The following MLIP variants were observed in gnomAD, a reference collection of about 807,000 sequenced individuals.
MLIP encodes the protein muscular LMNA-interacting protein.
A neutral mutation model predicts 84.8 loss-of-function variants in MLIP; 79 were observed. The ratio of observed to expected loss-of-function variants is 0.93; its 90% CI spans 0.78 to 1.12. The LOEUF is 1.12. MLIP is among the 50% of genes most tolerant of loss of function. The pLI is 0.00. For synonymous variants in MLIP, 504 were observed against 463.0 expected (o/e 1.09, Z -1.14); for missense variants, 1,257 against 1,160.6 (o/e 1.08, Z -1.21).
At chr6:54,138,349 C>A in intron 4 of MLIP, 63 bp downstream of exon 4, 1 of 1,432,940 alleles carries the variant, frequency 7.0e-7, no homozygotes. Flanking sequence ...TTTTTTTTTT[C>A]CCCAAGGCAG....
At chr6:54,238,462 A>G (rs59943560) in intron 12 of MLIP, among the ~76,000 whole-genome samples, 4,184 of 152,250 alleles carry the variant, frequency 0.027, 179 homozygotes, top group African/African-American at 0.093. Context: ...TATTCCAACT[A>G]CATTTTCTCC....
At chr6:54,256,442 C>A (rs1033942753) in intron 12 of MLIP, among the ~76,000 whole-genome samples, 2 of 152,074 alleles carry the variant, frequency 1.3e-5, no homozygotes, top group African/African-American at 4.8e-5. Context: ...TTTCAATAGC[C>A]CTGGTTTGCC....
At chr6:54,037,287 G>T (rs1441631404) in intron 1 of MLIP, among the ~76,000 whole-genome samples, 1 of 151,932 alleles carries the variant, frequency 6.6e-6, no homozygotes, top group Non-Finnish European at 1.5e-5. Context: ...TCACATATTT[G>T]GTATCTGAAC....
intron 8 of MLIP, among the ~76,000 whole-genome samples, chr6:54,166,774 G>A (rs1316831427): frequency 6.6e-6 from 1 of 151,776 alleles, no homozygotes; most frequent in Non-Finnish European, 1.5e-5. Context: ...TCTAGTCCAG[G>A]ATTCTTTCTC....
intron 13 of MLIP, among the ~76,000 whole-genome samples, chr6:54,263,450 A>C (rs537153500): frequency 6.6e-6 from 1 of 152,252 alleles, no homozygotes; most frequent in Non-Finnish European, 1.5e-5. Flanking sequence ...AAAAAAAAGA[A>C]CATGCAGCAT....
intron 1 of MLIP, among the ~76,000 whole-genome samples, chr6:54,103,278 C>A (rs1313011989): frequency 2.0e-5 from 3 of 152,036 alleles, no homozygotes; most frequent in Non-Finnish European, 4.4e-5. Flanking sequence ...ATATGTCATG[C>A]CATTTTAACC....
intron 12 of MLIP, among the ~76,000 whole-genome samples, chr6:54,244,310 A>T (rs1356201097): frequency 2.0e-5 from 3 of 152,222 alleles, no homozygotes; most frequent in Non-Finnish European, 2.9e-5. Context: ...AAAATATAAA[A>T]TATTTGAGAT....
intron 4 of MLIP, among the ~76,000 whole-genome samples, chr6:54,142,696 A>G (rs1772418620): frequency 6.6e-6 from 1 of 152,188 alleles, no homozygotes; most frequent in Non-Finnish European, 1.5e-5. Context: ...TGACCATCTT[A>G]ACTATCTCAC....
chr6:54,031,223 T>TG (rs1554137794), intron 1 of MLIP, among the ~76,000 whole-genome samples: 1 of 151,942 alleles, frequency 6.6e-6, no homozygotes, highest in Non-Finnish European at 1.5e-5. Flanking sequence ...AATTTTTTTT[T>TG]GTAAAAAAAT....
intron 1 of MLIP, among the ~76,000 whole-genome samples, chr6:54,057,132 C>A (rs916766092): frequency 6.6e-6 from 1 of 152,122 alleles, no homozygotes; most frequent in Non-Finnish European, 1.5e-5. Flanking sequence ...GATCAAGAGA[C>A]AAAGCACTGA....
chr6:54,070,967 C>T (rs935775151), intron 1 of MLIP, among the ~76,000 whole-genome samples: 1 of 151,952 alleles, frequency 6.6e-6, no homozygotes, highest in African/African-American at 2.4e-5. Context: ...TTAATAAAAA[C>T]AAAACATAAT....
At chr6:54,176,160 A>G (rs1776262815) in intron 9 of MLIP, among the ~76,000 whole-genome samples, 1 of 151,896 alleles carries the variant, frequency 6.6e-6, no homozygotes, top group African/African-American at 2.4e-5. Context: ...TTGCATCAAT[A>G]TTCATCAGAG....
At chr6:54,030,237 G>T (rs1205485009) in intron 1 of MLIP, among the ~76,000 whole-genome samples, 6 of 152,262 alleles carry the variant, frequency 3.9e-5, no homozygotes, top group African/African-American at 1.4e-4. Flanking sequence ...AAAAGATCCT[G>T]CCTATTCTGA....
chr6:54,177,949 A>G (rs937482298), intron 9 of MLIP, among the ~76,000 whole-genome samples: 5 of 152,176 alleles, frequency 3.3e-5, no homozygotes, highest in Non-Finnish European at 7.3e-5. Flanking sequence ...CAGGAACAGA[A>G]AACCAAACAC....
At chr6:54,176,365 C>T (rs955006360) in intron 9 of MLIP, among the ~76,000 whole-genome samples, 1 of 151,440 alleles carries the variant, frequency 6.6e-6, no homozygotes, top group African/African-American at 2.4e-5. Flanking sequence ...GCCACTGGGT[C>T]CCGGGCTTTG....
chr6:54,069,675 A>G (rs1202573093), intron 1 of MLIP, among the ~76,000 whole-genome samples: 1 of 99,538 alleles, frequency 1.0e-5, no homozygotes, highest in African/African-American at 2.6e-5. Context: ...AAAAGGCAAT[A>G]TAGACAATTT....
At chr6:54,062,892 C>T (rs1462643400) in intron 1 of MLIP, among the ~76,000 whole-genome samples, 1 of 152,050 alleles carries the variant, frequency 6.6e-6, no homozygotes, top group African/African-American at 2.4e-5. Context: ...AATTAATGTG[C>T]AGGGCTAGAA....
chr6:54,134,371 T>C (rs975664877), intron 3 of MLIP, among the ~76,000 whole-genome samples: 1 of 152,096 alleles, frequency 6.6e-6, no homozygotes, highest in African/African-American at 2.4e-5. Context: ...CACATTTTTA[T>C]ATTGGTACAA....
intron 1 of MLIP, among the ~76,000 whole-genome samples, chr6:54,062,428 C>T (rs1446287833): frequency 6.6e-6 from 1 of 152,146 alleles, no homozygotes; most frequent in African/African-American, 2.4e-5. Flanking sequence ...GCCAAGTATC[C>T]TCTCCACAGA....
Sources: allele counts gnomAD v4.1 joint callset (sites outside exome capture counted in the v4.1 genomes callset), GRCh38; gene constraint gnomAD v4.1.1; transcripts MANE v1.5; gene names NCBI Gene and HGNC (gene_info 2026-07-23, HGNC 2026-07-21).